The following TCHP variants were observed in gnomAD, a reference collection of about 807,000 sequenced individuals.
TCHP encodes the protein trichoplein keratin filament-binding protein.
Under a neutral mutation model 88.7 loss-of-function variants are expected in TCHP, and 81 were observed. That is an observed-to-expected ratio of 0.91 (90% CI 0.76 to 1.10). TCHP has a LOEUF of 1.10. Ranked by LOEUF, TCHP falls within the 50% of genes least tolerant of loss-of-function variation. TCHP has a pLI of 0.00. For synonymous variants in TCHP, 232 were observed against 232.5 expected, an observed-to-expected ratio of 1.00 and a Z score of 0.02; for missense variants, 641 against 632.1, an observed-to-expected ratio of 1.01 and a Z score of -0.15.
In TCHP at chr12:109,903,035, C is replaced by T. The variant is rs1780403395; in HGVS notation, c.9C>T (p.Leu3=). 17 of 1,597,882 alleles carry T rather than the reference C, an allele frequency of 1.1e-5. No individual in the cohort carries two copies. Among genetic ancestry groups the T allele is most frequent in the South Asian group, 2.2e-5 (2 of 89,656 alleles). The change falls in exon 2 of 13, where the codon CTC becomes CTT. Residue 3 remains leucine, a synonymous_variant. Coordinates refer to ENST00000405876, the MANE Select transcript of TCHP (RefSeq NM_001143852.2). The surrounding 1 kb of genome is among the most constrained non-coding windows in gnomAD (Gnocchi z 4.6). The part of the protein sequence containing the change: MA[L]PTLPSYWCSQ... ...CCCATTCCTGTTCTCAGATGGCGCT[C>T]CCGACGCTGCCGTCCTACTGGTGCA...
Position 109,903,298 on chromosome 12 carries a change from T to A in TCHP, c.188+84T>A. On this transcript the variant is annotated intron_variant, in intron 2 of 12. Transcript: ENST00000405876. This position sits in a 1 kb window ranked among gnomAD's most constrained non-coding sequence, Gnocchi z 4.6. ...TGAGGCCTTAAGGATTTAGGGAGCG[T>A]AGGATTTGCCAGGCAGTATGAATTA... is the stretch of plus-strand genomic sequence containing the variant. The A allele has an allele frequency of 7.5e-7, 1 of 1,341,342 alleles. No homozygotes were observed. The highest frequency in any genetic ancestry group is 1.0e-6 in the Non-Finnish European group (1 of 980,404). The allele number at this position is 1,341,342 out of a possible 1,614,324, so 83.1% of individuals were successfully genotyped here.
Position 109,903,215 on chromosome 12 carries a change from G to T in TCHP, c.188+1G>T, listed in dbSNP as rs150945066. 114 of 1,607,064 alleles carry T rather than the reference G, an allele frequency of 7.1e-5. No individual in the cohort carries two copies. The African/African-American group carries it at 1.3e-3, about 18-fold the overall frequency. ...GCTCTAAAACCTCCTACCAGCGGAGGTAATTGTGCGGTAACTGCCGATTGG... is the reference window on the plus strand; with the variant it reads ...GCTCTAAAACCTCCTACCAGCGGAGTTAATTGTGCGGTAACTGCCGATTGG... On this transcript the variant is annotated splice_donor_variant, in intron 2 of 12. Coordinates refer to ENST00000405876, the MANE Select transcript of TCHP (RefSeq NM_001143852.2). LOFTEE classifies it high-confidence loss of function. This position sits in a 1 kb window ranked among gnomAD's most constrained non-coding sequence, Gnocchi z 4.6.
chr12:109,904,636 G>A, intron 3 of TCHP, 101 bp from the exon 4 acceptor site: 1 of 988,096 alleles, frequency 1.0e-6, no homozygotes, highest in Non-Finnish European at 1.6e-6. Context: ...GGTGTGAAGG[G>A]AGGCACTCAT....
the TCHP span, among the ~76,000 whole-genome samples, chr12:109,886,989 G>T: frequency 3.5e-4 from 54 of 152,294 alleles, no homozygotes; most frequent in African/African-American, 1.3e-3. Flanking sequence ...TTACAGGCGT[G>T]AGCCACTGCG....
chr12:109,885,190 G>A, the TCHP span, among the ~76,000 whole-genome samples: 5 of 152,098 alleles, frequency 3.3e-5, no homozygotes, highest in Admixed American at 2.6e-4. Context: ...GGCTGGTCTC[G>A]AACTCCTGAC....
At chr12:109,914,273 C>A (rs564947985) in intron 10 of TCHP, 169 bp from the exon 11 acceptor site, 1 of 572,508 alleles carries the variant, frequency 1.7e-6, no homozygotes. Flanking sequence ...CAAGCGTGGC[C>A]GACATCGTGA....
At chr12:109,909,473 C>A (rs567641111) in intron 8 of TCHP, among the ~76,000 whole-genome samples, 5 of 152,320 alleles carry the variant, frequency 3.3e-5, no homozygotes, top group Admixed American at 1.3e-4. Context: ...GTATTTAAAT[C>A]TAATTGAGGT....
In TCHP at chr12:109,914,481, G is replaced by T; in HGVS notation, c.1174G>T (p.Glu392Ter). The change falls in exon 11 of 13, where the codon GAG becomes TAG. Residue 392 changes from glutamate to a stop codon, truncating the protein, a stop_gained. Coordinates refer to ENST00000405876, the MANE Select transcript of TCHP (RefSeq NM_001143852.2). LOFTEE classifies it high-confidence loss of function. ...GRQQQIQEKI[E>*]QNRRAQEESL... Reference sequence around the variant, plus strand: ...ACAACAGCAAATACAAGAGAAGATTGAGCAGAACCGACGGGCACAAGAGGA... The same window carrying T: ...ACAACAGCAAATACAAGAGAAGATTTAGCAGAACCGACGGGCACAAGAGGA... 6.2e-7 allele frequency: 1 copy of T among 1,614,044 alleles called. No homozygotes were observed. The highest frequency in any genetic ancestry group is 1.1e-5 in the South Asian group (1 of 91,002).
upstream of TCHP, among the ~76,000 whole-genome samples, chr12:109,899,596 C>A (rs1869665660): frequency 2.0e-5 from 3 of 152,096 alleles, 1 homozygote; most frequent in Admixed American, 2.0e-4. Flanking sequence ...CGAGATCACG[C>A]CACTGCACTC....
At chr12:109,906,835 A>G (rs1870159427) in intron 5 of TCHP, among the ~76,000 whole-genome samples, 195 bp downstream of exon 5, 1 of 152,216 alleles carries the variant, frequency 6.6e-6, no homozygotes, top group Non-Finnish European at 1.5e-5. Context: ...GATAATTCCC[A>G]GGGCAGAATA....
chr12:109,898,249 G>A (rs1869615041), upstream of TCHP, among the ~76,000 whole-genome samples: 2 of 152,170 alleles, frequency 1.3e-5, no homozygotes, highest in African/African-American at 2.4e-5. Context: ...TTGCTCTGTT[G>A]CCCAGGCTAG....
At chr12:109,900,160 C>T (rs1869694530), upstream of TCHP, 1 of 152,236 alleles carries the variant, frequency 6.6e-6, no homozygotes, top group South Asian at 2.1e-4. Context: ...CCATGCTTCC[C>T]TATTTCAAGG....
At chr12:109,906,886 G>A (rs374955161) in intron 5 of TCHP, among the ~76,000 whole-genome samples, 42 of 152,176 alleles carry the variant, frequency 2.8e-4, no homozygotes, top group African/African-American at 9.9e-4. Context: ...CATACAGCAC[G>A]CGTCTTCTTT....
chr12:109,909,036 CAG>C (rs1870330940), intron 8 of TCHP, 99 bp downstream of exon 8: 1 of 1,160,064 alleles, frequency 8.6e-7, no homozygotes, highest in Non-Finnish European at 1.3e-6. Flanking sequence ...AGAATGAAGA[CAG>C]TGAGGGGTTG....
chr12:109,907,762 A>C, intron 6 of TCHP, 63 bp downstream of exon 6: 1 of 1,523,722 alleles, frequency 6.6e-7, no homozygotes. Context: ...TGAGATGGGC[A>C]CTTGAGAGGC....
the TCHP span, among the ~76,000 whole-genome samples, chr12:109,882,336 G>A: frequency 6.6e-6 from 1 of 151,852 alleles, no homozygotes; most frequent in African/African-American, 2.4e-5. Flanking sequence ...AGGAGGCTGA[G>A]GCAGGGAGAA....
In TCHP at chr12:109,908,597, A is replaced by G; in HGVS notation, c.711A>G (p.Leu237=). 1 of 1,599,180 alleles carries G rather than the reference A, an allele frequency of 6.3e-7. No individual in the cohort carries two copies. The highest frequency in any genetic ancestry group is 8.5e-7 in the Non-Finnish European group (1 of 1,174,438). ...CATCATCACCACAGGCGACCAAACT[A>G]AAGAAGGAGCAGGAGAATCTGTTGA... ...LKLKEVEATK[L]KKEQENLLKQ... The change falls in exon 7 of 13, where the codon CTA becomes CTG. Residue 237 remains leucine (L), a synonymous_variant. Coordinates refer to ENST00000405876, the MANE Select transcript of TCHP (RefSeq NM_001143852.2).
rs530904677 is a variant in TCHP at position 109,906,477 on chromosome 12, G to A, written c.457-95G>A. ...CCCCATGAAGCGAAGTCATGGCCAC[G>A]TTCCCGCAGGTGGCACAGAGGGCAG... On this transcript the variant is annotated intron_variant, in intron 4 of 12. Transcript: ENST00000405876. 1.7e-5 allele frequency: 20 copies of A among 1,208,778 alleles called. No individual in the cohort carries two copies. The South Asian group carries it at 1.7e-4, about 10-fold the overall frequency. 74.9% of individuals were successfully genotyped at this position (1,208,778 alleles called of 1,614,324 possible). A position where few individuals can be genotyped will look rare whatever the true frequency, so the allele number is the denominator to read the frequency against.
At chr12:109,900,919 C>T (rs958025201) in intron 1 of TCHP, 1 of 152,250 alleles carries the variant, frequency 6.6e-6, no homozygotes, top group Non-Finnish European at 1.5e-5. Flanking sequence ...ATCGACCCTA[C>T]ACTTGAGGAC....
Sources: allele counts gnomAD v4.1 joint callset (sites outside exome capture counted in the v4.1 genomes callset), GRCh38; gene constraint gnomAD v4.1.1; non-coding constraint Gnocchi (gnomAD v3.1); transcripts MANE v1.5; gene names NCBI Gene and HGNC (gene_info 2026-07-23, HGNC 2026-07-21).